Variants in VPS13C observed in about 807,000 individuals in gnomAD.
The protein encoded by VPS13C is intermembrane lipid transfer protein VPS13C.
In VPS13C, 358 loss-of-function variants were observed where a neutral mutation model predicts 456.8. The observed-to-expected ratio is 0.78, with a 90% CI of 0.72 to 0.86. VPS13C has a LOEUF of 0.86. Ranked by LOEUF, VPS13C falls within the 40% of genes least tolerant of loss-of-function variation. The pLI is 0.00. For synonymous variants in VPS13C, 1,578 were observed against 1,486.7 expected (o/e 1.06, Z -1.41); for missense variants, 4,818 against 4,385.4 (o/e 1.10, Z -2.79).
intron 23 of VPS13C, among the ~76,000 whole-genome samples, chr15:61,978,297 G>GCTA (rs1406218704): frequency 6.6e-6 from 1 of 152,014 alleles, no homozygotes; most frequent in Non-Finnish European, 1.5e-5. Context: ...CATCCCAAAA[G>GCTA]CGGTAAGACA....
rs1175376094 is a variant in VPS13C, at chr15:61,982,522, G to C, written c.1966C>G (p.Leu656Val). 1 of 1,609,956 alleles carries C rather than the reference G, an allele frequency of 6.2e-7. No individual in the cohort carries two copies. The change falls in exon 21 of 85, where the codon CTT becomes GTT. Residue 656 changes from leucine (L) to valine (V), a missense_variant. Physicochemically the swap from Leu to Val is conservative, Grantham distance 32. This residue lies in a region of VPS13C where 4,552 missense variants were observed against 4,130.6 expected (regional missense o/e 1.10). Coordinates refer to ENST00000644861, the MANE Select transcript of VPS13C (RefSeq NM_020821.3). ...AATGTTGCTGATGTTATTTGCTCAA[G>C]ATCCAATCCCTTATTTGATTGAAAG... is the stretch of plus-strand genomic sequence containing the variant. Reference protein sequence around the residue: ...EFFQSNKGLDLEQITSATLMK... With the variant: ...EFFQSNKGLDVEQITSATLMK...
At chr15:61,991,975 C>T (rs558105526) in intron 16 of VPS13C, among the ~76,000 whole-genome samples, 173 bp from the exon 17 acceptor site, 1 of 151,616 alleles carries the variant, frequency 6.6e-6, no homozygotes, top group South Asian at 2.1e-4. Context: ...TGCAGTCTCC[C>T]TATTAGTTTA....
intron 15 of VPS13C, among the ~76,000 whole-genome samples, chr15:62,001,787 C>T (rs890289209): frequency 3.3e-5 from 5 of 152,082 alleles, no homozygotes; most frequent in African/African-American, 7.2e-5. Flanking sequence ...TTTGTTCTTG[C>T]GATAGTTTAC....
intron 45 of VPS13C, among the ~76,000 whole-genome samples, chr15:61,945,486 T>C (rs1484813100): frequency 6.6e-6 from 1 of 152,240 alleles, no homozygotes; most frequent in Admixed American, 6.5e-5. Flanking sequence ...TTAAAATGTA[T>C]ACCTGTGGAA....
chr15:61,877,488 C>G (rs12708470), intron 74 of VPS13C, among the ~76,000 whole-genome samples: 64,567 of 148,070 alleles, frequency 0.44, 14,905 homozygotes, highest in Non-Finnish European at 0.5. Context: ...GTGGCAGTGT[C>G]GTAACAAACA....
At chr15:61,922,292 C>T in intron 54 of VPS13C, 105 bp downstream of exon 54, 1 of 1,362,836 alleles carries the variant, frequency 7.3e-7, no homozygotes, top group Non-Finnish European at 1.0e-6. Context: ...TATCTATTCA[C>T]ATATGTACTC....
intron 81 of VPS13C, chr15:61,864,051 A>G (rs900744761): frequency 6.5e-6 from 1 of 153,454 alleles, no homozygotes; most frequent in Non-Finnish European, 1.4e-5. Flanking sequence ...AAAGATTAAG[A>G]ACCACTGGTT....
At chr15:61,875,287 T>G (rs1017360907) in intron 76 of VPS13C, among the ~76,000 whole-genome samples, 1 of 152,060 alleles carries the variant, frequency 6.6e-6, no homozygotes, top group Non-Finnish European at 1.5e-5. Flanking sequence ...AGCCCACAGA[T>G]TTTTTTACTG....
In VPS13C at chr15:61,859,726, C is replaced by T. The variant is rs554963826; in HGVS notation, c.10953-3317G>A. On this transcript the variant is annotated intron_variant, in intron 82 of 84. Coordinates refer to ENST00000644861, the MANE Select transcript of VPS13C (RefSeq NM_020821.3). ...CTCTGTCCATCGCTCTTCTTAGCACCTATCACACGGTGATATCATTGATAA... is the reference window on the plus strand; with the variant it reads ...CTCTGTCCATCGCTCTTCTTAGCACTTATCACACGGTGATATCATTGATAA... Among the ~76,000 whole-genome samples, 28 of 152,274 alleles carry T rather than the reference C, an allele frequency of 1.8e-4. No homozygotes were observed. The South Asian group carries it at 3.7e-3, about 20-fold the overall frequency.
In VPS13C at chr15:61,908,973, T is replaced by C; in HGVS notation, c.8978+19A>G. 6.2e-7 allele frequency: 1 copy of C among 1,611,340 alleles called. No homozygotes were observed. Among genetic ancestry groups the C allele is most frequent in the Non-Finnish European group, 8.5e-7 (1 of 1,178,700 alleles). ...ATGAACCAATAAAAGTATTTCCCAT[T>C]AACCCTTTTTTCTCATACCTCTGTT... On this transcript the variant is annotated intron_variant, in intron 65 of 84. Coordinates refer to ENST00000644861, the MANE Select transcript of VPS13C (RefSeq NM_020821.3).
intron 1 of VPS13C, among the ~76,000 whole-genome samples, chr15:62,054,790 G>A (rs2048735034): frequency 6.6e-6 from 1 of 151,582 alleles, no homozygotes; most frequent in Non-Finnish European, 1.5e-5. Flanking sequence ...CTAAAAGTCT[G>A]AAGTTAGAAG....
intron 22 of VPS13C, among the ~76,000 whole-genome samples, chr15:61,980,183 C>CAAAAAAAAAAAAAAAAAAAAAA (rs71125960): frequency 2.2e-5 from 1 of 45,250 alleles, no homozygotes; most frequent in African/African-American, 7.0e-5. Context: ...GACCCCATCT[C>CAAAAAAAAAAAAAAAAAAAAAA]AAAAAAAAAA....
At chr15:62,015,424 T>C (rs531722181) in intron 9 of VPS13C, among the ~76,000 whole-genome samples, 1 of 152,090 alleles carries the variant, frequency 6.6e-6, no homozygotes, top group East Asian at 1.9e-4. Context: ...CATGAAGTCC[T>C]TGCCCACGCC....
At chr15:61,991,947 C>G in intron 16 of VPS13C, 145 bp from the exon 17 acceptor site, 2 of 900,538 alleles carry the variant, frequency 2.2e-6, no homozygotes, top group Non-Finnish European at 3.2e-6. Context: ...ATGATGCTCA[C>G]AACATAATTT....
rs537652801 is a variant in VPS13C, at chr15:62,044,192, A to C, written c.144+20T>G. On this transcript the variant is annotated intron_variant, in intron 2 of 84. Transcript: ENST00000644861. ...TTACCAAATTAAGTGAGTTATTAGC[A>C]TAGTTTAAAAAAAACTTACCAGGGC... The C allele has an allele frequency of 6.8e-7, 1 of 1,464,578 alleles. No homozygotes were observed. Among genetic ancestry groups the C allele is most frequent in the Admixed American group, 1.9e-5 (1 of 52,714 alleles). The allele number at this position is 1,464,578 out of a possible 1,614,324, so 90.7% of individuals were successfully genotyped here. A position where few individuals can be genotyped will look rare whatever the true frequency, so the allele number is the denominator to read the frequency against.
At chr15:62,031,697 T>C (rs1302402127) in intron 5 of VPS13C, among the ~76,000 whole-genome samples, 1 of 151,958 alleles carries the variant, frequency 6.6e-6, no homozygotes, top group Non-Finnish European at 1.5e-5. Flanking sequence ...GAAGCTACAA[T>C]GTCATTACCA....
Position 61,875,789 on chromosome 15 carries a change from A to C in VPS13C, c.10281T>G (p.Phe3427Leu), listed in dbSNP as rs1596279786. 1 of 1,608,966 alleles carries C rather than the reference A, an allele frequency of 6.2e-7. No individual in the cohort carries two copies. The highest frequency in any genetic ancestry group is 2.2e-5 in the East Asian group (1 of 44,688). The stretch of plus-strand genomic sequence containing the variant: ...CTTCAGACAGACCTCTAATTAATCC[A>C]AATGGGTTTCCAAGTACATCTAACC... Reference protein sequence around the residue: ...VLGLDVLGNPFGLIRGLSEGV... With the variant: ...VLGLDVLGNPLGLIRGLSEGV... The change falls in exon 76 of 85, where the codon TTT becomes TTG. Residue 3427 changes from phenylalanine (F) to leucine (L), a missense_variant. Coordinates refer to ENST00000644861, the MANE Select transcript of VPS13C (RefSeq NM_020821.3).
chr15:62,002,387 T>C lies in VPS13C; in HGVS notation c.1291-1761A>G, dbSNP rs1456577173. Among the ~76,000 whole-genome samples, 3 of 152,194 alleles carry C rather than the reference T, an allele frequency of 2.0e-5. No individual in the cohort carries two copies. In the East Asian group the frequency reaches 5.8e-4, roughly 29 times the overall value. ...GGTTGTTTGTTTTTTTCTTGTAAATTTGTTTGAGTTCATTATAGATTCTGG... is the reference window on the plus strand; with the variant it reads ...GGTTGTTTGTTTTTTTCTTGTAAATCTGTTTGAGTTCATTATAGATTCTGG... On this transcript the variant is annotated intron_variant, in intron 15 of 84. Transcript: ENST00000644861.
intron 42 of VPS13C, among the ~76,000 whole-genome samples, chr15:61,949,111 G>C (rs1486253955): frequency 6.6e-6 from 1 of 152,162 alleles, no homozygotes; most frequent in African/African-American, 2.4e-5. Flanking sequence ...GACCTTGTAT[G>C]ACTGAATCAT....
Sources: gnomAD v4.1 joint callset for allele counts (sites outside exome capture counted in the v4.1 genomes callset) on GRCh38, gnomAD v4.1.1 for gene constraint, gnomAD v4.1.1 regional missense constraint, MANE v1.5 for transcripts, NCBI Gene and HGNC (gene_info 2026-07-23, HGNC 2026-07-21) for gene names.